The following ZBTB16 variants were observed in gnomAD, a reference collection of about 807,000 sequenced individuals.
The protein encoded by ZBTB16 is zinc finger and BTB domain-containing protein 16.
In ZBTB16, 8 loss-of-function variants were observed where a neutral mutation model predicts 56.8. That is an observed-to-expected ratio of 0.14 (90% CI 0.08 to 0.25). The LOEUF (loss-of-function observed/expected upper bound fraction) is 0.25. Ranked by LOEUF, ZBTB16 falls within the 10% of genes least tolerant of loss-of-function variation. The probability of loss-of-function intolerance (pLI) is 1.00; values close to 1 mark genes in which losing one functional copy is unlikely to be tolerated. For missense variants in ZBTB16, 625 were observed against 903.0 expected (o/e 0.69, Z 3.95); for synonymous variants, 363 against 368.5 (o/e 0.98, Z 0.17).
At chr11:114,195,572 A>G (rs1943587024) in intron 4 of ZBTB16, among the ~76,000 whole-genome samples, 2 of 152,210 alleles carry the variant, frequency 1.3e-5, no homozygotes, top group Admixed American at 1.3e-4. Flanking sequence ...TGCAGATTGC[A>G]GGGAAGAGGA....
intron 4 of ZBTB16, among the ~76,000 whole-genome samples, chr11:114,239,854 C>G (rs547343592): frequency 6.6e-6 from 1 of 152,312 alleles, no homozygotes; most frequent in African/African-American, 2.4e-5. Flanking sequence ...TTGAGTCCAG[C>G]CCCGTGGTTT....
chr11:114,209,576 C>T (rs1943955339), intron 4 of ZBTB16: 1 of 985,284 alleles, frequency 1.0e-6, no homozygotes, highest in Non-Finnish European at 1.2e-6. Context: ...GACACTTGGA[C>T]AATCATTTCT....
intron 4 of ZBTB16, among the ~76,000 whole-genome samples, chr11:114,203,377 G>T (rs1176555455): frequency 6.6e-6 from 1 of 152,150 alleles, no homozygotes; most frequent in African/African-American, 2.4e-5. Context: ...GATAGTGGTG[G>T]TGATGGTATT....
chr11:114,153,918 T>C (rs1942339003), intron 2 of ZBTB16, among the ~76,000 whole-genome samples: 1 of 152,222 alleles, frequency 6.6e-6, no homozygotes, highest in South Asian at 2.1e-4. Flanking sequence ...GGTGGGAGGA[T>C]GCAGGTCTTC....
At chr11:114,226,037 T>C (rs1274105598) in intron 4 of ZBTB16, among the ~76,000 whole-genome samples, 2 of 152,198 alleles carry the variant, frequency 1.3e-5, no homozygotes, top group Non-Finnish European at 2.9e-5. Flanking sequence ...GTGGTCTGAC[T>C]TCAACACCGA....
At chr11:114,242,453 A>G in intron 5 of ZBTB16, 116 bp downstream of exon 5, 1 of 1,449,680 alleles carries the variant, frequency 6.9e-7, no homozygotes, top group Non-Finnish European at 9.4e-7. Flanking sequence ...CCTTCTGCTC[A>G]AGGCTTGGAC....
intron 4 of ZBTB16, among the ~76,000 whole-genome samples, chr11:114,232,360 GTC>G (rs1300735862): frequency 2.6e-5 from 4 of 152,214 alleles, no homozygotes; most frequent in Admixed American, 2.6e-4. Flanking sequence ...ACAGGTGCCT[GTC>G]TCTCTCCTTT....
intron 2 of ZBTB16, among the ~76,000 whole-genome samples, chr11:114,145,740 T>A (rs1267925724): frequency 1.3e-5 from 2 of 152,170 alleles, no homozygotes; most frequent in African/African-American, 4.8e-5. Flanking sequence ...CACAGTTCTA[T>A]GAATATGCTA....
At chr11:114,134,329 C>G (rs1439586746) in intron 2 of ZBTB16, among the ~76,000 whole-genome samples, 1 of 152,128 alleles carries the variant, frequency 6.6e-6, no homozygotes, top group Admixed American at 6.5e-5. Flanking sequence ...TTTCACATGA[C>G]AGCTTCGTAC....
At chr11:114,226,055 T>C (rs1291309343) in intron 4 of ZBTB16, among the ~76,000 whole-genome samples, 1 of 152,194 alleles carries the variant, frequency 6.6e-6, no homozygotes, top group Non-Finnish European at 1.5e-5. Flanking sequence ...CGAGGCTCTT[T>C]GCTTTGTACT....
At chr11:114,148,545 G>C (rs1942200298) in intron 2 of ZBTB16, among the ~76,000 whole-genome samples, 1 of 150,024 alleles carries the variant, frequency 6.7e-6, no homozygotes, top group Admixed American at 6.7e-5. Flanking sequence ...CTAGGCTGGA[G>C]TGCAGTGGTA....
chr11:114,096,417 G>C (rs1940409572), intron 2 of ZBTB16, among the ~76,000 whole-genome samples: 1 of 152,212 alleles, frequency 6.6e-6, no homozygotes, highest in Admixed American at 6.5e-5. Context: ...GCCGTTGAGA[G>C]ATGGGAGAAT....
intron 4 of ZBTB16, among the ~76,000 whole-genome samples, chr11:114,219,724 T>G (rs768614166): frequency 1.3e-5 from 2 of 152,168 alleles, no homozygotes; most frequent in Non-Finnish European, 2.9e-5. Flanking sequence ...AAGGATGTGA[T>G]GGCATTGTAT....
chr11:114,228,301 AGAT>A (rs1197687786), intron 4 of ZBTB16, among the ~76,000 whole-genome samples: 2 of 152,180 alleles, frequency 1.3e-5, no homozygotes, highest in Non-Finnish European at 2.9e-5. Flanking sequence ...TGGCTTGCAT[AGAT>A]GATATTTTGA....
intron 3 of ZBTB16, among the ~76,000 whole-genome samples, chr11:114,161,313 G>A (rs1942583696): frequency 6.6e-6 from 1 of 152,100 alleles, no homozygotes; most frequent in African/African-American, 2.4e-5. Context: ...TATTCATGTG[G>A]CCTGCTCCTA....
At chr11:114,117,710 G>A (rs894160680) in intron 2 of ZBTB16, among the ~76,000 whole-genome samples, 7 of 152,342 alleles carry the variant, frequency 4.6e-5, no homozygotes, top group East Asian at 1.9e-4. Flanking sequence ...AATATTTGCA[G>A]TGGGTCTTGA....
intron 2 of ZBTB16, among the ~76,000 whole-genome samples, chr11:114,077,952 T>C (rs1364109512): frequency 6.6e-6 from 1 of 151,986 alleles, no homozygotes; most frequent in East Asian, 1.9e-4. Flanking sequence ...CTATGAGGAG[T>C]AGATTACTTG....
At chr11:114,206,356 G>T (rs677504) in intron 4 of ZBTB16, among the ~76,000 whole-genome samples, 1 of 151,976 alleles carries the variant, frequency 6.6e-6, no homozygotes, top group South Asian at 2.1e-4. Flanking sequence ...GCTAGAGAGA[G>T]ACACTGTGGG....
At chr11:114,185,597 A>G (rs933223293) in intron 3 of ZBTB16, among the ~76,000 whole-genome samples, 1 of 152,226 alleles carries the variant, frequency 6.6e-6, no homozygotes, top group African/African-American at 2.4e-5. Flanking sequence ...TCTGTTGAGT[A>G]GATTGCGGGT....
Sources: gnomAD v4.1 joint callset for allele counts (sites outside exome capture counted in the v4.1 genomes callset) on GRCh38, gnomAD v4.1.1 for gene constraint, MANE v1.5 for transcripts, NCBI Gene and HGNC (gene_info 2026-07-23, HGNC 2026-07-21) for gene names.